Variants in MYSM1 observed in about 807,000 individuals in gnomAD.
MYSM1 encodes the protein Myb like, SWIRM and MPN domains 1, also known as deubiquitinase MYSM1.
A neutral mutation model predicts 116.0 loss-of-function variants in MYSM1; 51 were observed. The observed-to-expected ratio is 0.44, with a 90% CI of 0.35 to 0.56. The LOEUF (loss-of-function observed/expected upper bound fraction) is 0.56. Among genes scored for constraint, MYSM1 ranks in the 20% least tolerant of loss-of-function variants. The pLI, the probability that MYSM1 is intolerant of heterozygous loss-of-function variation, is 0.00. For synonymous variants in MYSM1, 313 were observed against 315.2 expected, an observed-to-expected ratio of 0.99 and a Z score of 0.07; for missense variants, 900 against 974.9, an observed-to-expected ratio of 0.92 and a Z score of 1.02.
chr1:58,684,791 T>C (rs1269259584), intron 7 of MYSM1, among the ~76,000 whole-genome samples: 2 of 152,168 alleles, frequency 1.3e-5, no homozygotes, highest in African/African-American at 2.4e-5. Flanking sequence ...GCTCTAATAA[T>C]TCTTAAAAGT....
chr1:58,668,018 G>T, intron 14 of MYSM1, 97 bp from the exon 15 acceptor site: 1 of 848,352 alleles, frequency 1.2e-6, no homozygotes, highest in Non-Finnish European at 2.0e-6. Flanking sequence ...TGTAAGTATA[G>T]CCATCATGCT....
intron 5 of MYSM1, 54 bp downstream of exon 5, chr1:58,690,172 C>A: frequency 7.4e-7 from 1 of 1,354,930 alleles, no homozygotes; most frequent in South Asian, 1.5e-5. Flanking sequence ...AAAATTATTC[C>A]ATAATTTTTA....
At chr1:58,697,159 A>G (rs956087336) in intron 1 of MYSM1, among the ~76,000 whole-genome samples, 3 of 152,198 alleles carry the variant, frequency 2.0e-5, no homozygotes, top group Admixed American at 2.0e-4. Context: ...AGAGGAGTAG[A>G]AGGAGGGAGG....
chr1:58,675,653 T>A, intron 9 of MYSM1, 73 bp from the exon 10 acceptor site: 1 of 1,095,642 alleles, frequency 9.1e-7, no homozygotes, highest in South Asian at 1.3e-5. Context: ...AAGACACATG[T>A]ACACTGACTA....
intron 17 of MYSM1, among the ~76,000 whole-genome samples, chr1:58,664,968 A>T (rs1470181148): frequency 6.6e-6 from 1 of 152,196 alleles, no homozygotes; most frequent in Non-Finnish European, 1.5e-5. Flanking sequence ...AAATGTTTGG[A>T]CTACAAGTGG....
At position 58,700,003 on chromosome 1, in the gene MYSM1, G is replaced by A. The variant is rs1465573841; in HGVS notation, c.50C>T (p.Ala17Val). 7 of 1,613,364 alleles carry A rather than the reference G, an allele frequency of 4.3e-6. No individual in the cohort carries two copies. The highest frequency in any genetic ancestry group is 1.1e-5 in the South Asian group (1 of 91,092). ...DVDIEGDVVA[A>V]AGAQPGSGEN... Reference sequence around the variant, plus strand: ...GCCTCACCCTGGCTGTGCCCCCGCCGCCGCTACCACGTCCCCTTCGATATC... The same window carrying A: ...GCCTCACCCTGGCTGTGCCCCCGCCACCGCTACCACGTCCCCTTCGATATC... The change falls in exon 1 of 20, where the codon GCG becomes GTG. Residue 17 changes from alanine to valine, a missense_variant. Transcript: ENST00000472487.
At chr1:58,694,481 C>T (rs938122692) in intron 2 of MYSM1, among the ~76,000 whole-genome samples, 1 of 151,986 alleles carries the variant, frequency 6.6e-6, no homozygotes, top group Non-Finnish European at 1.5e-5. Flanking sequence ...ATTAGCTGGG[C>T]GGGGTGGCAC....
intron 7 of MYSM1, among the ~76,000 whole-genome samples, chr1:58,683,970 T>C (rs994028508): frequency 1.3e-5 from 2 of 152,118 alleles, no homozygotes; most frequent in Non-Finnish European, 2.9e-5. Flanking sequence ...CCAAGATACA[T>C]AGCATGTATC....
chr1:58,695,259 AATGTAACTT>A, intron 1 of MYSM1, 52 bp from the exon 2 acceptor site: 7 of 1,155,692 alleles, frequency 6.1e-6, no homozygotes, highest in Non-Finnish European at 9.0e-6. Context: ...TTAGTTAATG[AATGTAACTT>A]ACACAGCACA....
intron 3 of MYSM1, chr1:58,692,584 TA>T: frequency 3.9e-6 from 1 of 255,348 alleles, no homozygotes; most frequent in Non-Finnish European, 7.3e-6. Flanking sequence ...CAAAATGACT[TA>T]AATATTCTAT....
rs1013959766 is a variant in MYSM1 at position 58,655,567 on chromosome 1, A to G, written c.*4430T>C. ...AGAAGATAGACTCAGAATATACTAGAAAGTATAATTATAGGTTAAATAAAA... is the reference window on the plus strand; with the variant it reads ...AGAAGATAGACTCAGAATATACTAGGAAGTATAATTATAGGTTAAATAAAA... On this transcript the variant is annotated 3_prime_UTR_variant, in exon 20 of 20. Transcript: ENST00000472487. 1 of 152,194 alleles carries G rather than the reference A, an allele frequency of 6.6e-6. No homozygotes were observed. The highest frequency in any genetic ancestry group is 2.4e-5 in the African/African-American group (1 of 41,456). The allele number at this position is 152,194 out of a possible 1,614,324, so 9.4% of individuals were successfully genotyped here. A position where few individuals can be genotyped will look rare whatever the true frequency, so the allele number is the denominator to read the frequency against.
chr1:58,669,343 C>T (rs1474159890), intron 12 of MYSM1, among the ~76,000 whole-genome samples: 2 of 151,910 alleles, frequency 1.3e-5, no homozygotes, highest in Non-Finnish European at 2.9e-5. Flanking sequence ...TTCAAAAAGT[C>T]CAATGAAAAT....
chr1:58,698,103 T>TATATATATA (rs1491530995), intron 1 of MYSM1, among the ~76,000 whole-genome samples: 1 of 16,706 alleles, frequency 6.0e-5, no homozygotes, highest in African/African-American at 2.2e-4. Flanking sequence ...TATATATATA[T>TATATATATA]TTTTTTTTTT....
chr1:58,673,722 A>G (rs1222069357), intron 10 of MYSM1, 72 bp from the exon 11 acceptor site: 1 of 1,230,362 alleles, frequency 8.1e-7, no homozygotes. Flanking sequence ...TTAATACACA[A>G]AATGAAAACA....
At chr1:58,669,925 C>T (rs962130179) in intron 12 of MYSM1, among the ~76,000 whole-genome samples, 1 of 148,670 alleles carries the variant, frequency 6.7e-6, no homozygotes, top group African/African-American at 2.5e-5. Flanking sequence ...CAAAAGCACA[C>T]ATAAATCTCA....
At chr1:58,675,042 A>G (rs1398247501) in intron 10 of MYSM1, among the ~76,000 whole-genome samples, 3 of 151,636 alleles carry the variant, frequency 2.0e-5, no homozygotes, top group Admixed American at 2.0e-4. Flanking sequence ...AGTATGATTT[A>G]CGAATTTTAA....
intron 8 of MYSM1, among the ~76,000 whole-genome samples, chr1:58,679,753 C>T (rs1481148913): frequency 1.3e-4 from 20 of 152,262 alleles, no homozygotes; most frequent in African/African-American, 1.7e-4. Flanking sequence ...GTCAGCCGGG[C>T]GTGGTGGCTC....
At position 58,667,830 on chromosome 1, in the gene MYSM1, TAA is replaced by T. The variant is rs1557507795; in HGVS notation, c.1842+15_1842+16del. On this transcript the variant is annotated intron_variant, in intron 15 of 19. Transcript: ENST00000472487. ...GGACTAAATAACTAAAACATTTTTT[TAA>T]AAGAGAGAACTTACTTCAACTACTT... 8.6e-6 allele frequency: 13 copies of T among 1,516,362 alleles called. No individual in the cohort carries two copies. Among genetic ancestry groups the T allele is most frequent in the Non-Finnish European group, 1.1e-5 (12 of 1,091,274 alleles). The allele number at this position is 1,516,362 out of a possible 1,614,324, so 93.9% of individuals were successfully genotyped here. A position where few individuals can be genotyped will look rare whatever the true frequency, so the allele number is the denominator to read the frequency against.
At chr1:58,683,290 A>T (rs895086079) in intron 7 of MYSM1, among the ~76,000 whole-genome samples, 2 of 152,246 alleles carry the variant, frequency 1.3e-5, no homozygotes, top group African/African-American at 4.8e-5. Context: ...GGCTTCTCAG[A>T]CTATGTGATA....
Sources: gnomAD v4.1 joint callset for allele counts (sites outside exome capture counted in the v4.1 genomes callset) on GRCh38, gnomAD v4.1.1 for gene constraint, MANE v1.5 for transcripts, NCBI Gene and HGNC (gene_info 2026-07-23, HGNC 2026-07-21) for gene names.